The following NLGN1 variants were observed in gnomAD, a reference collection of about 807,000 sequenced individuals.
NLGN1 encodes neuroligin-1.
A neutral mutation model predicts 65.5 loss-of-function variants in NLGN1; 12 were observed. The observed-to-expected ratio is 0.18, with a 90% confidence interval of 0.12 to 0.30. The LOEUF is 0.30. NLGN1 is among the 10% of genes least tolerant of loss of function. The pLI, the probability that NLGN1 is intolerant of heterozygous loss-of-function variation, is 1.00. For synonymous variants in NLGN1, 350 were observed against 359.5 expected (o/e 0.97, Z 0.30); for missense variants, 750 against 1,007.1 (o/e 0.74, Z 3.46).
chr3:173,663,703 C>T (rs974505721), intron 3 of NLGN1, among the ~76,000 whole-genome samples: 2 of 151,956 alleles, frequency 1.3e-5, no homozygotes, highest in East Asian at 1.9e-4. Context: ...CAGTTTTCAA[C>T]ATGCTTTATT....
intron 4 of NLGN1, among the ~76,000 whole-genome samples, chr3:174,248,091 A>C (rs1291452952): frequency 6.6e-6 from 1 of 152,164 alleles, no homozygotes; most frequent in Non-Finnish European, 1.5e-5. Context: ...TCTAGCTCCA[A>C]CTTCAGATTT....
At chr3:173,937,099 C>A (rs1366837362) in intron 4 of NLGN1, among the ~76,000 whole-genome samples, 1 of 151,998 alleles carries the variant, frequency 6.6e-6, no homozygotes, top group Admixed American at 6.6e-5. Flanking sequence ...TTCCTCTGAT[C>A]CCACACTATA....
intron 2 of NLGN1, among the ~76,000 whole-genome samples, chr3:173,471,834 C>G (rs1041499603): frequency 2.0e-5 from 3 of 152,102 alleles, no homozygotes; most frequent in African/African-American, 7.2e-5. Context: ...ATTTATGATA[C>G]TTGATATTCC....
At chr3:173,452,553 T>G (rs940078737) in intron 2 of NLGN1, among the ~76,000 whole-genome samples, 1 of 152,204 alleles carries the variant, frequency 6.6e-6, no homozygotes, top group Admixed American at 6.5e-5. Context: ...CATATTTTGT[T>G]GAATACTTAC....
intron 4 of NLGN1, among the ~76,000 whole-genome samples, chr3:173,885,222 C>A (rs1001411676): frequency 1.2e-4 from 18 of 152,120 alleles, no homozygotes; most frequent in African/African-American, 3.9e-4. Flanking sequence ...CTTTTTTACC[C>A]TTAATTTTAT....
intron 2 of NLGN1, among the ~76,000 whole-genome samples, chr3:173,502,115 T>C (rs1054383680): frequency 2.6e-5 from 4 of 152,106 alleles, no homozygotes; most frequent in African/African-American, 9.7e-5. Context: ...TCCACAAATA[T>C]TTTTACAAGA....
chr3:173,632,183 G>A (rs1755792076), intron 3 of NLGN1, among the ~76,000 whole-genome samples: 1 of 152,252 alleles, frequency 6.6e-6, no homozygotes, highest in African/African-American at 2.4e-5. Flanking sequence ...GGAAAAAAAG[G>A]AACATATTCA....
At chr3:173,883,583 A>C (rs1305514145) in intron 4 of NLGN1, among the ~76,000 whole-genome samples, 1 of 152,184 alleles carries the variant, frequency 6.6e-6, no homozygotes, top group Non-Finnish European at 1.5e-5. Context: ...TTATATAAAA[A>C]AATAAAACTG....
At chr3:173,424,202 C>T (rs2148709826) in intron 1 of NLGN1, among the ~76,000 whole-genome samples, 1 of 152,304 alleles carries the variant, frequency 6.6e-6, no homozygotes, top group South Asian at 2.1e-4. Flanking sequence ...ATCCACTGGG[C>T]CCTGGGCCCG....
intron 4 of NLGN1, among the ~76,000 whole-genome samples, chr3:173,965,307 T>C (rs928870380): frequency 6.6e-6 from 1 of 151,978 alleles, no homozygotes; most frequent in Admixed American, 6.6e-5. Flanking sequence ...CTAGAACATT[T>C]ATTATTAGTA....
intron 4 of NLGN1, among the ~76,000 whole-genome samples, chr3:174,260,117 C>G (rs1485663577): frequency 6.6e-6 from 1 of 151,780 alleles, no homozygotes; most frequent in Non-Finnish European, 1.5e-5. Flanking sequence ...CAAGTTTTTG[C>G]TATTGTGAAT....
At chr3:173,412,754 G>A (rs552653926) in intron 1 of NLGN1, among the ~76,000 whole-genome samples, 20 of 152,246 alleles carry the variant, frequency 1.3e-4, no homozygotes, top group African/African-American at 4.8e-4. Context: ...GTACTGCTCA[G>A]CCTTCCTCCA....
At position 174,155,740 on chromosome 3, in the gene NLGN1, C is replaced by T. The variant is rs930648875; in HGVS notation, c.647-119575C>T. Among the ~76,000 whole-genome samples the T allele has an allele frequency of 7.9e-5, 12 of 151,628 alleles. No individual in the cohort carries two copies. The Middle Eastern group carries it at 0.01, about 130-fold the overall frequency. ...ACATGCAAAGTGAATAAAGAAATAT[C>T]GAAATGAGTAGGGAAATAAGGGTAC... On this transcript the variant is annotated intron_variant, in intron 4 of 6. Coordinates refer to ENST00000457714, the Ensembl canonical transcript of NLGN1.
intron 3 of NLGN1, among the ~76,000 whole-genome samples, chr3:173,647,867 A>G (rs1487862434): frequency 6.6e-6 from 1 of 152,122 alleles, no homozygotes; most frequent in East Asian, 1.9e-4. Context: ...TTCTGAAAAT[A>G]GAAAAGTATT....
At chr3:174,202,264 C>T (rs2152776782) in intron 4 of NLGN1, among the ~76,000 whole-genome samples, 1 of 152,220 alleles carries the variant, frequency 6.6e-6, no homozygotes, top group Non-Finnish European at 1.5e-5. Flanking sequence ...TATTCTTGTT[C>T]CCTGCTCCTC....
intron 2 of NLGN1, among the ~76,000 whole-genome samples, chr3:173,575,507 C>T (rs1434106643): frequency 2.0e-5 from 3 of 152,152 alleles, no homozygotes; most frequent in Non-Finnish European, 4.4e-5. Flanking sequence ...CCATCATATT[C>T]TTTTCCAGTT....
intron 4 of NLGN1, among the ~76,000 whole-genome samples, chr3:174,248,249 T>C (rs1317765757): frequency 6.6e-6 from 1 of 152,180 alleles, no homozygotes; most frequent in Non-Finnish European, 1.5e-5. Flanking sequence ...ATACTGTGTG[T>C]AGAGATTGGC....
At chr3:173,483,385 A>G (rs1442423167) in intron 2 of NLGN1, among the ~76,000 whole-genome samples, 2 of 152,036 alleles carry the variant, frequency 1.3e-5, no homozygotes, top group Non-Finnish European at 2.9e-5. Context: ...TCAAAGCAGT[A>G]TGATGTTATT....
At position 174,090,242 on chromosome 3, in the gene NLGN1, G is replaced by A. The variant is rs187857374; in HGVS notation, c.647-185073G>A. Among the ~76,000 whole-genome samples, 406 of 152,174 alleles carry A rather than the reference G, an allele frequency of 2.7e-3. 3 individuals carry two copies. The highest frequency in any genetic ancestry group is 3.4e-3 in the Middle Eastern group (1 of 294). On this transcript the variant is annotated intron_variant, in intron 4 of 6. Coordinates refer to ENST00000457714, the Ensembl canonical transcript of NLGN1. ...TCCTTGCACTTTGGAAAGCTGAGGCGGGCAGATCACTTGAGGTCAAGAGTT... is the reference window on the plus strand; with the variant it reads ...TCCTTGCACTTTGGAAAGCTGAGGCAGGCAGATCACTTGAGGTCAAGAGTT...
Sources: gnomAD v4.1 joint callset for allele counts (sites outside exome capture counted in the v4.1 genomes callset) on GRCh38, gnomAD v4.1.1 for gene constraint, MANE v1.5 for transcripts, NCBI Gene and HGNC (gene_info 2026-07-23, HGNC 2026-07-21) for gene names.